Variants in TMEM163 observed in about 807,000 individuals in gnomAD.
TMEM163 encodes the protein transmembrane protein 163.
Under a neutral mutation model 29.3 loss-of-function variants are expected in TMEM163, and 17 were observed. That is an observed-to-expected ratio of 0.58 (90% CI 0.40 to 0.87). The LOEUF (loss-of-function observed/expected upper bound fraction) is 0.87, where lower values mean the gene tolerates loss of function less well. TMEM163 is among the 40% of genes least tolerant of loss of function. The probability of loss-of-function intolerance (pLI) is 0.00; values close to 1 mark genes in which losing one functional copy is unlikely to be tolerated. For missense variants in TMEM163, 303 were observed against 381.5 expected (o/e 0.79, Z 1.71); for synonymous variants, 157 against 160.6 (o/e 0.98, Z 0.17).
intron 2 of TMEM163, among the ~76,000 whole-genome samples, chr2:134,684,827 G>T (rs1684319546): frequency 6.6e-6 from 1 of 151,544 alleles, no homozygotes; most frequent in African/African-American, 2.4e-5. Context: ...GGAGGCTGAG[G>T]CACGAGAATT....
intron 2 of TMEM163, among the ~76,000 whole-genome samples, chr2:134,655,943 C>CT (rs200412163): frequency 0.016 from 2,242 of 144,300 alleles, 163 homozygotes; most frequent in African/African-American, 0.059. Context: ...AACCACTGCT[C>CT]TCTTCAAAGC....
At chr2:134,640,351 A>C (rs1217373605) in intron 2 of TMEM163, among the ~76,000 whole-genome samples, 1 of 152,162 alleles carries the variant, frequency 6.6e-6, no homozygotes, top group Non-Finnish European at 1.5e-5. Context: ...AACTTTACCC[A>C]TCAATCCCAA....
At chr2:134,672,618 C>T (rs1179511120) in intron 2 of TMEM163, among the ~76,000 whole-genome samples, 2 of 151,968 alleles carry the variant, frequency 1.3e-5, no homozygotes, top group African/African-American at 2.4e-5. Context: ...CTAAAGCGAT[C>T]CTCCCACTTC....
intron 6 of TMEM163, among the ~76,000 whole-genome samples, chr2:134,461,332 GA>G (rs141686297): frequency 0.042 from 6,344 of 152,258 alleles, 381 homozygotes; most frequent in African/African-American, 0.13. Flanking sequence ...TTGTGTGCTT[GA>G]AAGATCATCA....
At chr2:134,537,980 G>A (rs116704392) in intron 4 of TMEM163, among the ~76,000 whole-genome samples, 1,916 of 152,360 alleles carry the variant, frequency 0.013, 48 homozygotes, top group African/African-American at 0.043. Context: ...TGGCAAGGAT[G>A]AGAAGTTGGA....
At chr2:134,457,780 A>T (rs1026518490) in intron 7 of TMEM163, among the ~76,000 whole-genome samples, 1 of 152,222 alleles carries the variant, frequency 6.6e-6, no homozygotes, top group African/African-American at 2.4e-5. Context: ...AAGGCATCAG[A>T]TGGAAATCAA....
chr2:134,682,529 G>A (rs1330390217), intron 2 of TMEM163, among the ~76,000 whole-genome samples: 1 of 152,210 alleles, frequency 6.6e-6, no homozygotes, highest in African/African-American at 2.4e-5. Flanking sequence ...CAGGCTAAGA[G>A]CGTGAAGAGC....
At chr2:134,714,090 C>T (rs1684987243) in intron 1 of TMEM163, among the ~76,000 whole-genome samples, 1 of 152,132 alleles carries the variant, frequency 6.6e-6, no homozygotes, top group Non-Finnish European at 1.5e-5. Context: ...GAGTCCTTGA[C>T]AACAACAGAA....
chr2:134,503,565 T>C (rs897337942), intron 4 of TMEM163, among the ~76,000 whole-genome samples: 2 of 152,240 alleles, frequency 1.3e-5, no homozygotes, highest in Admixed American at 1.3e-4. Context: ...CTGTCACTTT[T>C]GGATATGACG....
At chr2:134,595,284 G>T (rs1250676219) in intron 2 of TMEM163, among the ~76,000 whole-genome samples, 1 of 151,756 alleles carries the variant, frequency 6.6e-6, no homozygotes, top group African/African-American at 2.4e-5. Context: ...CCCACAACAG[G>T]CCCTGGTGTG....
At chr2:134,559,429 G>A (rs1230203230) in intron 2 of TMEM163, among the ~76,000 whole-genome samples, 2 of 152,192 alleles carry the variant, frequency 1.3e-5, no homozygotes, top group African/African-American at 4.8e-5. Context: ...ACAAAAAGCT[G>A]TACCATGGCC....
intron 2 of TMEM163, among the ~76,000 whole-genome samples, chr2:134,704,235 G>A (rs1684759996): frequency 6.6e-6 from 1 of 152,064 alleles, no homozygotes; most frequent in African/African-American, 2.4e-5. Context: ...CTAAGTGCAG[G>A]GTATACATTC....
chr2:134,458,592 G>A lies in TMEM163; in HGVS notation c.668-419C>T, dbSNP rs191131951. On this transcript the variant is annotated intron_variant, in intron 6 of 7. Transcript: ENST00000281924. ...CTGAGTGTCTGCTGGGCCAGATTCC[G>A]AGTTGGGTGTTCAGGACGTGTGGTT... The A allele has an allele frequency of 1.6e-4, 29 of 178,656 alleles. No individual in the cohort carries two copies. The East Asian group carries it at 2.8e-3, about 17-fold the overall frequency. The allele number at this position is 178,656 out of a possible 1,614,324, so 11.1% of individuals were successfully genotyped here.
chr2:134,459,892 C>T (rs1013080104), intron 6 of TMEM163, among the ~76,000 whole-genome samples: 7 of 152,106 alleles, frequency 4.6e-5, no homozygotes, highest in African/African-American at 1.7e-4. Context: ...GACCTTTGAC[C>T]TCAGGCACAG....
chr2:134,520,439 G>A (rs1680168426), intron 4 of TMEM163, among the ~76,000 whole-genome samples: 1 of 152,176 alleles, frequency 6.6e-6, no homozygotes, highest in South Asian at 2.1e-4. Flanking sequence ...ACCTAGCAGG[G>A]TATGACCTCA....
intron 2 of TMEM163, among the ~76,000 whole-genome samples, chr2:134,697,229 C>T (rs1684601440): frequency 6.6e-6 from 1 of 152,144 alleles, no homozygotes; most frequent in South Asian, 2.1e-4. Context: ...GCTTGCCCTA[C>T]TATACTGGGT....
chr2:134,709,715 T>C (rs750307647), intron 2 of TMEM163, among the ~76,000 whole-genome samples: 15 of 152,212 alleles, frequency 9.9e-5, no homozygotes, highest in Non-Finnish European at 1.8e-4. Context: ...TGAAAAGCTG[T>C]TTCCAGCCGT....
intron 2 of TMEM163, among the ~76,000 whole-genome samples, chr2:134,628,800 G>A (rs1378668578): frequency 6.6e-6 from 1 of 152,208 alleles, no homozygotes; most frequent in East Asian, 1.9e-4. Context: ...AATAAATCAT[G>A]AGTATAACAG....
intron 4 of TMEM163, among the ~76,000 whole-genome samples, chr2:134,537,916 C>T (rs1680576560): frequency 6.6e-6 from 1 of 152,192 alleles, no homozygotes; most frequent in African/African-American, 2.4e-5. Flanking sequence ...CACTGAGATA[C>T]CATTCACACC....
Sources: gnomAD v4.1 joint callset for allele counts (sites outside exome capture counted in the v4.1 genomes callset) on GRCh38, gnomAD v4.1.1 for gene constraint, MANE v1.5 for transcripts, NCBI Gene and HGNC (gene_info 2026-07-23, HGNC 2026-07-21) for gene names.